Variants in PPM1E observed in about 807,000 individuals in gnomAD.
The protein encoded by PPM1E is protein phosphatase, Mg2+/Mn2+ dependent 1E, also known as protein phosphatase 1E.
In PPM1E, 20 loss-of-function variants were observed where a neutral mutation model predicts 65.9. The ratio of observed to expected loss-of-function variants is 0.30; its 90% CI spans 0.21 to 0.44. The LOEUF (loss-of-function observed/expected upper bound fraction) is 0.44, where lower values mean the gene tolerates loss of function less well. Among genes scored for constraint, PPM1E ranks in the 20% least tolerant of loss-of-function variants. PPM1E has a pLI of 1.00. For missense variants in PPM1E, 713 were observed against 953.1 expected, an observed-to-expected ratio of 0.75 and a Z score of 3.32; for synonymous variants, 352 against 374.9, an observed-to-expected ratio of 0.94 and a Z score of 0.70.
intron 1 of PPM1E, among the ~76,000 whole-genome samples, chr17:58,915,717 A>G (rs1464326515): frequency 6.6e-6 from 1 of 152,212 alleles, no homozygotes; most frequent in South Asian, 2.1e-4. Flanking sequence ...TGCCATTTTT[A>G]TAGCCAAATA....
At chr17:58,846,841 A>G (rs1036706664) in intron 1 of PPM1E, among the ~76,000 whole-genome samples, 13 of 152,214 alleles carry the variant, frequency 8.5e-5, no homozygotes, top group African/African-American at 3.1e-4. Context: ...TTGAGGAATC[A>G]TCACAATGTC....
chr17:58,911,163 A>G (rs1055480298), intron 1 of PPM1E, among the ~76,000 whole-genome samples: 8 of 152,262 alleles, frequency 5.3e-5, no homozygotes, highest in Admixed American at 1.3e-4. Context: ...AATTCTCTGT[A>G]TACACCTGTC....
At chr17:58,949,271 C>T (rs2052204013) in intron 1 of PPM1E, among the ~76,000 whole-genome samples, 1 of 152,088 alleles carries the variant, frequency 6.6e-6, no homozygotes, top group Admixed American at 6.6e-5. Flanking sequence ...CTTTTTATAG[C>T]TTTCGACTTA....
intron 1 of PPM1E, 41 bp downstream of exon 1, chr17:58,756,502 C>G: frequency 2.4e-6 from 3 of 1,263,702 alleles, no homozygotes; most frequent in African/African-American, 3.1e-5. Context: ...CCCGCGGTCC[C>G]CACCGCGCCG....
chr17:58,798,664 G>A (rs2050230775), intron 1 of PPM1E, among the ~76,000 whole-genome samples: 1 of 150,840 alleles, frequency 6.6e-6, no homozygotes, highest in African/African-American at 2.4e-5. Context: ...AAGTTGCAAA[G>A]ATATTTTCCT....
intron 1 of PPM1E, among the ~76,000 whole-genome samples, chr17:58,882,980 G>A (rs1335893436): frequency 7.5e-5 from 8 of 106,402 alleles, no homozygotes; most frequent in Admixed American, 3.0e-4. Flanking sequence ...TTGAGATGGA[G>A]TTTTGCTCTT....
At chr17:58,965,920 G>A (rs754711175) in intron 3 of PPM1E, 27 bp downstream of exon 3, 2 of 1,606,434 alleles carry the variant, frequency 1.2e-6, no homozygotes, top group East Asian at 4.5e-5. Context: ...GAGAGTCAGT[G>A]AGATTTTAAA....
intron 1 of PPM1E, among the ~76,000 whole-genome samples, chr17:58,896,928 A>G (rs1009830179): frequency 9.2e-5 from 14 of 152,122 alleles, no homozygotes; most frequent in African/African-American, 3.4e-4. Flanking sequence ...GGTAACTTTA[A>G]ATTGAAGTCC....
At chr17:58,895,618 GC>G (rs2143447711) in intron 1 of PPM1E, among the ~76,000 whole-genome samples, 1 of 151,974 alleles carries the variant, frequency 6.6e-6, no homozygotes, top group East Asian at 1.9e-4. Context: ...ACCAGTGCTG[GC>G]AACAGTGAGA....
chr17:58,983,307 ATAGAG>A lies in PPM1E; in HGVS notation c.*2280_*2284del, dbSNP rs2031490529. Reference sequence around the variant, plus strand: ...TCATTTGTTCACAACATGCGTATTTATAGAGTAGTTAGGTACCATTTGTAAGGTAA... The same window carrying A: ...TCATTTGTTCACAACATGCGTATTTATAGTTAGGTACCATTTGTAAGGTAA... On this transcript the variant is annotated 3_prime_UTR_variant, in exon 7 of 7. Transcript: ENST00000308249. 1 of 169,154 alleles carries A rather than the reference ATAGAG, an allele frequency of 5.9e-6. No homozygotes were observed. Among genetic ancestry groups the A allele is most frequent in the South Asian group, 1.7e-4 (1 of 5,954 alleles). The allele number at this position is 169,154 out of a possible 1,614,324, so 10.5% of individuals were successfully genotyped here.
chr17:58,764,472 G>A (rs1213737823), intron 1 of PPM1E, among the ~76,000 whole-genome samples: 3 of 152,092 alleles, frequency 2.0e-5, no homozygotes, highest in African/African-American at 7.2e-5. Flanking sequence ...GAGCCAGCCT[G>A]TTGCCCAAGC....
At chr17:58,844,631 T>C (rs2050753762) in intron 1 of PPM1E, among the ~76,000 whole-genome samples, 1 of 152,200 alleles carries the variant, frequency 6.6e-6, no homozygotes, top group African/African-American at 2.4e-5. Context: ...CTTTTGAAGG[T>C]TGTCACTAAA....
chr17:58,903,062 C>T (rs1343554431), intron 1 of PPM1E, among the ~76,000 whole-genome samples: 1 of 152,128 alleles, frequency 6.6e-6, no homozygotes, highest in Non-Finnish European at 1.5e-5. Flanking sequence ...AGCGCAAAAA[C>T]CTAAGAATCT....
Position 58,814,914 on chromosome 17 carries a change from T to C in PPM1E, c.464+58453T>C, listed in dbSNP as rs1175626171. ...GCCAGGATGTGAATGGTGAACCCTT[T>C]AGTTGTGCAATTCTGTGATACAGGT... is the stretch of plus-strand genomic sequence containing the variant. On this transcript the variant is annotated intron_variant, in intron 1 of 6. Coordinates refer to ENST00000308249, the MANE Select transcript of PPM1E (RefSeq NM_014906.5). 2.0e-5 allele frequency among the ~76,000 whole-genome samples: 3 copies of C among 152,224 alleles called. No individual in the cohort carries two copies. In the East Asian group the frequency reaches 5.8e-4, roughly 29 times the overall value.
intron 1 of PPM1E, among the ~76,000 whole-genome samples, chr17:58,797,946 AAAAT>A (rs1567836650): frequency 1.3e-5 from 2 of 152,172 alleles, no homozygotes; most frequent in African/African-American, 4.8e-5. Flanking sequence ...GACAAATGTA[AAAAT>A]AAATAAATAA....
At chr17:58,955,620 A>G (rs766406536) in intron 1 of PPM1E, 29 bp from the exon 2 acceptor site, 2 of 1,610,618 alleles carry the variant, frequency 1.2e-6, no homozygotes, top group South Asian at 2.2e-5. Context: ...TCTTTTGCTG[A>G]AAATGGCCTT....
chr17:58,795,094 G>A (rs1046487151), intron 1 of PPM1E, among the ~76,000 whole-genome samples: 1 of 151,970 alleles, frequency 6.6e-6, no homozygotes. Context: ...GTTTCACCGT[G>A]TTGGTCAGGC....
At chr17:58,923,911 CTTTTTTTTTTTTT>C (rs751578623) in intron 1 of PPM1E, among the ~76,000 whole-genome samples, 1 of 64,812 alleles carries the variant, frequency 1.5e-5, no homozygotes, top group East Asian at 5.1e-4. Flanking sequence ...AAGACCCCCT[CTTTTTTTTTTTTT>C]TTTTTTTTTT....
intron 1 of PPM1E, among the ~76,000 whole-genome samples, chr17:58,873,977 T>G (rs1011218341): frequency 2.6e-5 from 4 of 152,056 alleles, no homozygotes; most frequent in Non-Finnish European, 5.9e-5. Flanking sequence ...CCAACAGAAT[T>G]CATTTATTGA....
Sources: gnomAD v4.1 joint callset for allele counts (sites outside exome capture counted in the v4.1 genomes callset) on GRCh38, gnomAD v4.1.1 for gene constraint, MANE v1.5 for transcripts, NCBI Gene and HGNC (gene_info 2026-07-23, HGNC 2026-07-21) for gene names.